Variants in ZNF433 observed in about 807,000 individuals in gnomAD.
The protein encoded by ZNF433 is zinc finger protein 433.
ZNF433 carries 12 observed loss-of-function variants against 10.6 expected under a neutral mutation model. The ratio of observed to expected loss-of-function variants is 1.13; its 90% CI spans 0.72 to 1.83. The LOEUF is 1.83. ZNF433 is among the 40% of genes most tolerant of loss of function. The pLI is 0.00. For synonymous variants in ZNF433, 272 were observed against 271.3 expected, an observed-to-expected ratio of 1.00 and a Z score of -0.02; for missense variants, 737 against 798.0, an observed-to-expected ratio of 0.92 and a Z score of 0.92.
Position 12,015,360 on chromosome 19 carries a change from C to T in ZNF433, c.1498G>A (p.Gly500Arg), listed in dbSNP as rs933917201. Reference sequence around the variant, plus strand: ...CACTGCTTGCATTCATAGGTTTTTCCTCCAGTGTGAGTCCTTTCATGTCTA... The same window carrying T: ...CACTGCTTGCATTCATAGGTTTTTCTTCCAGTGTGAGTCCTTTCATGTCTA... ...FHRHERTHTG[G>R]KTYECKQCGR... The change falls in exon 4 of 4, where the codon GGA becomes AGA. Residue 500 changes from glycine (G) to arginine (R), a missense_variant. Coordinates refer to ENST00000550507, the MANE Select transcript of ZNF433 (RefSeq NM_001308348.2). 1.9e-6 allele frequency: 3 copies of T among 1,614,068 alleles called. No individual in the cohort carries two copies. The highest frequency in any genetic ancestry group is 2.2e-5 in the East Asian group (1 of 44,866).
intron 1 of ZNF433, among the ~76,000 whole-genome samples, chr19:12,035,070 G>C (rs962889635): frequency 1.3e-5 from 2 of 152,288 alleles, no homozygotes; most frequent in East Asian, 3.9e-4. Flanking sequence ...AATCTCAAAG[G>C]AACTCTAATT....
intron 1 of ZNF433, chr19:12,034,517 C>T (rs1975184057): frequency 4.0e-6 from 1 of 249,104 alleles, no homozygotes; most frequent in East Asian, 9.3e-5. Flanking sequence ...AGACATCAGC[C>T]AACTGGAAAC....
intron 1 of ZNF433, among the ~76,000 whole-genome samples, 193 bp downstream of exon 1, chr19:12,035,344 G>C (rs951599634): frequency 4.6e-5 from 7 of 152,306 alleles, no homozygotes; most frequent in Admixed American, 3.3e-4. Flanking sequence ...GGGACAGGAC[G>C]AGACGCCCGG....
chr19:12,016,775 ACTCT>A, intron 3 of ZNF433, 109 bp from the exon 4 acceptor site: 1 of 1,398,510 alleles, frequency 7.2e-7, no homozygotes, highest in South Asian at 1.5e-5. Flanking sequence ...ATGGAGTCTC[ACTCT>A]CTTGCCCAGG....
intron 1 of ZNF433, chr19:12,021,800 C>G: frequency 2.8e-6 from 1 of 355,846 alleles, no homozygotes; most frequent in South Asian, 2.0e-5. Context: ...CTACCTCCCA[C>G]TCACAAAACC....
intron 1 of ZNF433, chr19:12,034,705 C>G (rs1344731786): frequency 4.8e-6 from 2 of 419,346 alleles, no homozygotes; most frequent in African/African-American, 4.1e-5. Flanking sequence ...TCCTTCCTAC[C>G]GCCTCGAAGT....
intron 1 of ZNF433, among the ~76,000 whole-genome samples, chr19:12,019,662 A>G (rs157185): frequency 0.16 from 24,164 of 152,204 alleles, 4,521 homozygotes; most frequent in African/African-American, 0.46. Flanking sequence ...TCAAAGAGCC[A>G]GATCAATCCA....
intron 1 of ZNF433, among the ~76,000 whole-genome samples, chr19:12,029,803 C>G (rs114084197): frequency 1.2e-4 from 18 of 151,386 alleles, no homozygotes; most frequent in African/African-American, 4.4e-4. Flanking sequence ...AATAGCTGGC[C>G]GGGCGCGGTG....
At chr19:12,021,975 T>A in intron 1 of ZNF433, 1 of 456,726 alleles carries the variant, frequency 2.2e-6, no homozygotes, top group Admixed American at 2.3e-5. Context: ...TGGCTGCCAA[T>A]TCAACCGTCA....
chr19:12,030,691 A>G (rs563305269), intron 1 of ZNF433, among the ~76,000 whole-genome samples: 18 of 152,160 alleles, frequency 1.2e-4, no homozygotes, highest in African/African-American at 4.3e-4. Flanking sequence ...GAGAGGGTCC[A>G]TGGGTACAAA....
chr19:12,015,794 C>CTCT lies in ZNF433; in HGVS notation c.1063_1064insAGA (p.Gly355delinsGluArg). ...ATGAGATATCTCTCCAGTGTGCATTCCCAAGTGGTTTTGAAAGCTGGTAAG... is the reference window on the plus strand; with the variant it reads ...ATGAGATATCTCTCCAGTGTGCATTCTCTCCAAGTGGTTTTGAAAGCTGGTAAG... On this transcript the variant is annotated protein_altering_variant, in exon 4 of 4. Transcript: ENST00000550507. 1 of 1,614,138 alleles carries CTCT rather than the reference C, an allele frequency of 6.2e-7. No homozygotes were observed. Among genetic ancestry groups the CTCT allele is most frequent in the Non-Finnish European group, 8.5e-7 (1 of 1,180,026 alleles).
intron 1 of ZNF433, among the ~76,000 whole-genome samples, chr19:12,030,858 T>C (rs1307426367): frequency 6.6e-6 from 1 of 152,168 alleles, no homozygotes; most frequent in Non-Finnish European, 1.5e-5. Flanking sequence ...GCAGGATTAC[T>C]TGAGCTCAGG....
rs191482684 is a variant in ZNF433, at chr19:12,014,766, G to C, written c.*79C>G. 8.6e-5 allele frequency: 87 copies of C among 1,015,492 alleles called. No individual in the cohort carries two copies. The highest frequency in any genetic ancestry group is 1.1e-4 in the Non-Finnish European group (82 of 715,224). The allele number at this position is 1,015,492 out of a possible 1,614,324, so 62.9% of individuals were successfully genotyped here. A position where few individuals can be genotyped will look rare whatever the true frequency, so the allele number is the denominator to read the frequency against. ...TTATTTATTTAATTTTTATAACAGA[G>C]TCTCACTATGTTGCCCAGGCTGGTC... On this transcript the variant is annotated 3_prime_UTR_variant, in exon 4 of 4. Transcript: ENST00000550507.
chr19:12,026,868 T>C (rs1028462169), intron 1 of ZNF433: 2 of 453,874 alleles, frequency 4.4e-6, no homozygotes, highest in Admixed American at 4.7e-5. Flanking sequence ...GGTCAGATGG[T>C]AGAAATGATA....
chr19:12,017,391 T>C (rs1055130523), intron 3 of ZNF433, among the ~76,000 whole-genome samples: 3 of 151,166 alleles, frequency 2.0e-5, no homozygotes, highest in Admixed American at 6.6e-5. Context: ...TTAGTAGAGA[T>C]GGGGTTTCAC....
chr19:12,033,628 C>A (rs912833977), intron 1 of ZNF433, among the ~76,000 whole-genome samples: 1 of 152,124 alleles, frequency 6.6e-6, no homozygotes, highest in Non-Finnish European at 1.5e-5. Flanking sequence ...CAAGACCATC[C>A]TGGCTAACAC....
intron 1 of ZNF433, among the ~76,000 whole-genome samples, chr19:12,027,589 C>T (rs1974802116): frequency 2.0e-5 from 3 of 152,242 alleles, no homozygotes; most frequent in Admixed American, 2.0e-4. Context: ...GAGCCCATCC[C>T]TTTGTTTCAC....
intron 1 of ZNF433, chr19:12,025,646 T>C (rs1974697903): frequency 6.6e-6 from 1 of 152,240 alleles, no homozygotes; most frequent in Admixed American, 6.5e-5. Context: ...ATGTCACACA[T>C]GTTCCCTCGT....
In ZNF433 at chr19:12,015,811, G is replaced by A; in HGVS notation, c.1047C>T (p.Ser349=). 1.9e-6 allele frequency: 3 copies of A among 1,614,108 alleles called. No individual in the cohort carries two copies. Among genetic ancestry groups the A allele is most frequent in the Non-Finnish European group, 2.5e-6 (3 of 1,180,036 alleles). ...HCGKVLSYLT[S]FQNHLGMHTG... ...TGTGCATTCCCAAGTGGTTTTGAAAGCTGGTAAGATAAGATAATACTTTCC... is the reference window on the plus strand; with the variant it reads ...TGTGCATTCCCAAGTGGTTTTGAAAACTGGTAAGATAAGATAATACTTTCC... The change falls in exon 4 of 4, where the codon AGC becomes AGT. Residue 349 remains serine (S), a synonymous_variant. Transcript: ENST00000550507.
Sources: gnomAD v4.1 joint callset for allele counts (sites outside exome capture counted in the v4.1 genomes callset) on GRCh38, gnomAD v4.1.1 for gene constraint, MANE v1.5 for transcripts, NCBI Gene and HGNC (gene_info 2026-07-23, HGNC 2026-07-21) for gene names.